Variants in TRAP1 observed in about 807,000 individuals in gnomAD.
TRAP1 encodes the protein TNF receptor associated protein 1.
Under a neutral mutation model 89.1 loss-of-function variants are expected in TRAP1, and 102 were observed. The observed-to-expected ratio is 1.15, with a 90% confidence interval of 0.98 to 1.35. TRAP1 has a LOEUF of 1.35. Among genes scored for constraint, TRAP1 ranks in the 40% most tolerant of loss-of-function variants. The pLI, the probability that TRAP1 is intolerant of heterozygous loss-of-function variation, is 0.00. For missense variants in TRAP1, 1,256 were observed against 945.3 expected, an observed-to-expected ratio of 1.33 and a Z score of -4.31; for synonymous variants, 508 against 388.0, an observed-to-expected ratio of 1.31 and a Z score of -3.64.
At position 3,717,442 on chromosome 16, in the gene TRAP1, C is replaced by T. The variant is rs1476315827; in HGVS notation, c.67G>A (p.Ala23Thr). 1 of 1,273,318 alleles carries T rather than the reference C, an allele frequency of 7.9e-7. No individual in the cohort carries two copies. The highest frequency in any genetic ancestry group is 1.6e-5 in the African/African-American group (1 of 64,088). 78.9% of individuals were successfully genotyped at this position (1,273,318 alleles called of 1,614,324 possible). The change falls in exon 1 of 18, where the codon GCG (alanine) becomes ACG (threonine). Residue 23 changes from alanine to threonine, a missense_variant. Ala to Thr is a moderately conservative substitution (Grantham distance 58). Coordinates refer to ENST00000246957, the MANE Select transcript of TRAP1 (RefSeq NM_016292.3). Reference protein sequence around the residue: ...RRLRPLLRAPALAAVPGGKPI... With the variant: ...RRLRPLLRAPTLAAVPGGKPI... ...TCACCTCCCGGCACGGCCGCCAGCG[C>T]CGGCGCCCGCAGCAAAGGCCGCAGG... is the stretch of plus-strand genomic sequence containing the variant.
intron 1 of TRAP1, among the ~76,000 whole-genome samples, chr16:3,709,937 A>G (rs1485454620): frequency 6.6e-6 from 1 of 152,214 alleles, no homozygotes; most frequent in Non-Finnish European, 1.5e-5. Context: ...GGCGTGAGCC[A>G]CCGCGCCTGG....
rs568494463 is a variant in TRAP1 at position 3,669,492 on chromosome 16, T to C, written c.1235+2230A>G. Among the ~76,000 whole-genome samples, 5 of 152,250 alleles carry C rather than the reference T, an allele frequency of 3.3e-5. No homozygotes were observed. The South Asian group carries it at 1.0e-3, about 32-fold the overall frequency. On this transcript the variant is annotated intron_variant, in intron 11 of 17. Transcript: ENST00000246957. ...TATATAGTTATATCTTCCGACCAAG[T>C]AACCCCACCCCTAGTATTCTATCCT... is the stretch of plus-strand genomic sequence containing the variant.
intron 4 of TRAP1, among the ~76,000 whole-genome samples, chr16:3,684,958 A>G (rs565294925): frequency 4.6e-5 from 7 of 152,336 alleles, no homozygotes; most frequent in African/African-American, 1.7e-4. Context: ...AGACAAAACC[A>G]AAAATCATTA....
At chr16:3,706,055 C>T (rs2051440375) in intron 1 of TRAP1, among the ~76,000 whole-genome samples, 1 of 151,320 alleles carries the variant, frequency 6.6e-6, no homozygotes, top group African/African-American at 2.4e-5. Context: ...TCTCCGCTCA[C>T]TGCAACCTCC....
chr16:3,700,372 G>A (rs2051349422), intron 1 of TRAP1, among the ~76,000 whole-genome samples: 1 of 151,684 alleles, frequency 6.6e-6, no homozygotes, highest in Non-Finnish European at 1.5e-5. Flanking sequence ...TCTCCATGTT[G>A]GTCAGGCTGC....
At chr16:3,717,083 G>A (rs1407234671) in intron 1 of TRAP1, among the ~76,000 whole-genome samples, 1 of 152,248 alleles carries the variant, frequency 6.6e-6, no homozygotes, top group Non-Finnish European at 1.5e-5. Context: ...TCCGCGCTCC[G>A]CAGCGGCTCC....
At chr16:3,693,749 T>C (rs1439284292) in intron 1 of TRAP1, among the ~76,000 whole-genome samples, 1 of 152,012 alleles carries the variant, frequency 6.6e-6, no homozygotes, top group Non-Finnish European at 1.5e-5. Flanking sequence ...TCCCAGCACT[T>C]TGGGAGGCCA....
chr16:3,680,022 G>A (rs2051054128), intron 4 of TRAP1: 1 of 485,012 alleles, frequency 2.1e-6, no homozygotes, highest in South Asian at 2.4e-5. Context: ...TTGAGGCCAG[G>A]AGTTCAAGAC....
At chr16:3,665,870 C>A in intron 12 of TRAP1, 101 bp downstream of exon 12, 1 of 1,434,934 alleles carries the variant, frequency 7.0e-7, no homozygotes, top group Non-Finnish European at 9.3e-7. Flanking sequence ...CCAGGGTACC[C>A]AGCTGCACCG....
At chr16:3,685,739 T>G (rs563631669) in intron 4 of TRAP1, among the ~76,000 whole-genome samples, 1 of 152,238 alleles carries the variant, frequency 6.6e-6, no homozygotes, top group African/African-American at 2.4e-5. Context: ...AAACCCTGTG[T>G]GGCCATATGC....
intron 10 of TRAP1, 47 bp downstream of exon 10, chr16:3,672,653 C>A (rs780317794): frequency 1.9e-6 from 3 of 1,570,080 alleles, no homozygotes; most frequent in Admixed American, 1.8e-5. Flanking sequence ...ATGCAGCGGG[C>A]GACACTGGGC....
intron 2 of TRAP1, 89 bp downstream of exon 2, chr16:3,690,738 C>A: frequency 8.6e-6 from 11 of 1,277,686 alleles, no homozygotes; most frequent in Non-Finnish European, 1.1e-5. Flanking sequence ...GGTGGCTCTA[C>A]CAATCACTGC....
chr16:3,691,440 C>T (rs1273084078), intron 1 of TRAP1, among the ~76,000 whole-genome samples: 2 of 152,172 alleles, frequency 1.3e-5, no homozygotes, highest in Non-Finnish European at 2.9e-5. Flanking sequence ...AGACTGGTCT[C>T]GAACTCCTGG....
At chr16:3,712,515 T>A (rs1032938078) in intron 1 of TRAP1, among the ~76,000 whole-genome samples, 6 of 151,884 alleles carry the variant, frequency 4.0e-5, no homozygotes, top group African/African-American at 1.5e-4. Context: ...TGCCAAGGGG[T>A]AGCAAAATAC....
intron 1 of TRAP1, among the ~76,000 whole-genome samples, chr16:3,703,043 G>GAAAAAAAAAAAAAAA (rs36093237): frequency 3.4e-4 from 15 of 43,480 alleles, no homozygotes; most frequent in South Asian, 8.7e-4. Context: ...ACTCCGTCTT[G>GAAAAAAAAAAAAAAA]AAAAAAAAAA....
intron 1 of TRAP1, among the ~76,000 whole-genome samples, chr16:3,715,662 A>G (rs1431968379): frequency 1.3e-5 from 2 of 152,052 alleles, no homozygotes; most frequent in African/African-American, 2.4e-5. Context: ...TTAACAGAAC[A>G]GTTGGCCAGG....
chr16:3,660,465 CCT>C (rs1434586492), intron 16 of TRAP1: 1 of 150,980 alleles, frequency 6.6e-6, no homozygotes, highest in Non-Finnish European at 1.5e-5. Flanking sequence ...AGAGCAAGAC[CCT>C]GTCTCCAAAA....
At chr16:3,690,771 T>A (rs1244503944) in intron 2 of TRAP1, 56 bp downstream of exon 2, 1 of 1,334,238 alleles carries the variant, frequency 7.5e-7, no homozygotes, top group Non-Finnish European at 9.7e-7. Flanking sequence ...AATGCCCCTT[T>A]ACGCACAGCA....
chr16:3,672,597 C>T (rs1373881234), intron 10 of TRAP1, 103 bp downstream of exon 10: 41 of 1,448,830 alleles, frequency 2.8e-5, no homozygotes, highest in Middle Eastern at 2.3e-4. Context: ...GCGGTGCTCT[C>T]GCTGCAGAGG....
Sources: allele counts gnomAD v4.1 joint callset (sites outside exome capture counted in the v4.1 genomes callset), GRCh38; gene constraint gnomAD v4.1.1; transcripts MANE v1.5; gene names NCBI Gene and HGNC (gene_info 2026-07-23, HGNC 2026-07-21).